ZNF516: variants seen among roughly 807,000 people sequenced by gnomAD.
The protein encoded by ZNF516 is zinc finger protein 516.
ZNF516 carries 19 observed loss-of-function variants against 79.7 expected under a neutral mutation model. The ratio of observed to expected loss-of-function variants is 0.24; its 90% confidence interval spans 0.17 to 0.35. The LOEUF (loss-of-function observed/expected upper bound fraction) is 0.35. Ranked by LOEUF, ZNF516 falls within the 10% of genes least tolerant of loss-of-function variation. ZNF516 has a pLI of 1.00. For synonymous variants in ZNF516, 877 were observed against 739.5 expected, an observed-to-expected ratio of 1.19 and a Z score of -3.02; for missense variants, 1,678 against 1,679.5, an observed-to-expected ratio of 1.00 and a Z score of 0.02.
intron 1 of ZNF516, among the ~76,000 whole-genome samples, chr18:76,474,721 C>A (rs2145747252): frequency 6.6e-6 from 1 of 152,150 alleles, no homozygotes; most frequent in Middle Eastern, 3.4e-3. Flanking sequence ...GTAATTGGCT[C>A]TATGATAACC....
In ZNF516 at chr18:76,451,025, C is replaced by A. The variant is rs1255268258; in HGVS notation, c.-157-7814G>T. Among the ~76,000 whole-genome samples the A allele has an allele frequency of 1.3e-5, 2 of 152,096 alleles. No homozygotes were observed. Among genetic ancestry groups the A allele is most frequent in the African/African-American group, 4.8e-5 (2 of 41,414 alleles). ...CTCAACAATCGAACGCTTAAAGTTGCGGAAACCAAGCAAAGCTGACTGGGA... is the reference window on the plus strand; with the variant it reads ...CTCAACAATCGAACGCTTAAAGTTGAGGAAACCAAGCAAAGCTGACTGGGA... On this transcript the variant is annotated intron_variant, in intron 2 of 6. Transcript: ENST00000443185. The surrounding 1 kb of genome is among the most constrained non-coding windows in gnomAD (Gnocchi z 6.0).
chr18:76,492,231 G>A (rs906645886), intron 1 of ZNF516: 2 of 985,346 alleles, frequency 2.0e-6, no homozygotes, highest in Admixed American at 6.1e-5. Context: ...ACATTTACAC[G>A]GAGATGCTGC....
intron 2 of ZNF516, among the ~76,000 whole-genome samples, chr18:76,450,185 G>GGGC (rs1555714177): frequency 1.1e-4 from 2 of 18,016 alleles, no homozygotes; most frequent in African/African-American, 2.7e-4. Flanking sequence ...TGAAACTAAA[G>GGGC]GGGGGGGGGT....
Position 76,442,414 on chromosome 18 carries a change from G to A in ZNF516, c.641C>T (p.Ser214Leu). 6.2e-7 allele frequency: 1 copy of A among 1,607,468 alleles called. No homozygotes were observed. The highest frequency in any genetic ancestry group is 8.5e-7 in the Non-Finnish European group (1 of 1,179,640). ...GTCCCTCTCGATGTGGCTCAGCAGC[G>A]ACTCCTCCCGCAGCGTCGCGTAGCT... ...LCSYATLREE[S>L]LLSHIERDHI... Residue 214 changes from serine (S) to leucine (L), a missense_variant, in exon 3 of 7, where the codon TCG becomes TTG. Physicochemically the swap from Ser to Leu is moderately radical, Grantham distance 145. Around this residue, in one of 5 missense-constraint regions of ZNF516, gnomAD observed 279 missense variants for 254.1 expected, o/e 1.10. Coordinates refer to ENST00000443185, the MANE Select transcript of ZNF516 (RefSeq NM_014643.4).
chr18:76,440,766 GCA>G (rs57547735), intron 3 of ZNF516, among the ~76,000 whole-genome samples: 40,405 of 150,752 alleles, frequency 0.27, 6,628 homozygotes, highest in East Asian at 0.44. Context: ...GTGTGTGCGC[GCA>G]CGCGCGCATG....
intron 3 of ZNF516, among the ~76,000 whole-genome samples, chr18:76,416,740 A>G (rs2075437220): frequency 6.6e-6 from 1 of 152,228 alleles, no homozygotes; most frequent in African/African-American, 2.4e-5. Flanking sequence ...AAACTTCAGT[A>G]ATGGCGAAAA....
intron 1 of ZNF516, chr18:76,492,798 C>A (rs1302008475): frequency 4.1e-5 from 40 of 985,872 alleles, no homozygotes; most frequent in Non-Finnish European, 4.7e-5. Flanking sequence ...CCCCATGCTT[C>A]ACAGAACGTT....
intron 3 of ZNF516, among the ~76,000 whole-genome samples, chr18:76,436,027 G>A (rs1314986751): frequency 2.0e-5 from 3 of 152,240 alleles, no homozygotes; most frequent in Non-Finnish European, 4.4e-5. Flanking sequence ...CTGCACTTCA[G>A]GAGCACCAGA....
At chr18:76,435,087 C>T (rs973515037) in intron 3 of ZNF516, among the ~76,000 whole-genome samples, 5 of 152,204 alleles carry the variant, frequency 3.3e-5, no homozygotes, top group Non-Finnish European at 7.3e-5. Context: ...GAATGGATAC[C>T]TCTTAGTTCC....
At chr18:76,365,800 C>G (rs1260235236) in intron 6 of ZNF516, among the ~76,000 whole-genome samples, 1 of 152,190 alleles carries the variant, frequency 6.6e-6, no homozygotes, top group African/African-American at 2.4e-5. Context: ...AGGGCCCGGA[C>G]CCTCTCACCA....
chr18:76,469,689 C>T (rs1361905570), intron 1 of ZNF516, among the ~76,000 whole-genome samples: 1 of 152,148 alleles, frequency 6.6e-6, no homozygotes, highest in African/African-American at 2.4e-5. Flanking sequence ...TTTTTATCTT[C>T]TTCCGTTAGA....
chr18:76,363,433 T>C (rs2074568692), intron 6 of ZNF516, among the ~76,000 whole-genome samples: 1 of 152,172 alleles, frequency 6.6e-6, no homozygotes, highest in South Asian at 2.1e-4. Flanking sequence ...ATTAAGGGCT[T>C]TTCTTTAGTT....
intron 3 of ZNF516, among the ~76,000 whole-genome samples, chr18:76,427,713 T>C (rs542415586): frequency 1.6e-4 from 24 of 152,302 alleles, no homozygotes; most frequent in African/African-American, 5.8e-4. Context: ...CAGAACGTAT[T>C]CAAAACATGA....
intron 6 of ZNF516, among the ~76,000 whole-genome samples, chr18:76,370,268 C>T (rs927810834): frequency 6.6e-6 from 1 of 152,206 alleles, no homozygotes; most frequent in African/African-American, 2.4e-5. Context: ...GCCAGTCTAT[C>T]CCGACTTCCT....
chr18:76,443,171 G>T lies in ZNF516; in HGVS notation c.-117C>A. On this transcript the variant is annotated 5_prime_UTR_variant, in exon 3 of 7. Coordinates refer to ENST00000443185, the MANE Select transcript of ZNF516 (RefSeq NM_014643.4). Reference sequence around the variant, plus strand: ...AAAGACGTGCCTGCTCCCAGGAGGTGCACCTTCTACATGGGGGGCGCAGCA... The same window carrying T: ...AAAGACGTGCCTGCTCCCAGGAGGTTCACCTTCTACATGGGGGGCGCAGCA... The T allele has an allele frequency of 7.1e-7, 1 of 1,411,238 alleles. No individual in the cohort carries two copies. The highest frequency in any genetic ancestry group is 9.3e-7 in the Non-Finnish European group (1 of 1,079,880). 87.4% of individuals were successfully genotyped at this position (1,411,238 alleles called of 1,614,324 possible).
At chr18:76,494,091 G>C (rs1212369120) in intron 1 of ZNF516, among the ~76,000 whole-genome samples, 1 of 152,090 alleles carries the variant, frequency 6.6e-6, no homozygotes, top group African/African-American at 2.4e-5. Context: ...GTAAAAGGCT[G>C]GTTCCCTCTG....
At chr18:76,399,126 C>G (rs1411540480) in intron 3 of ZNF516, among the ~76,000 whole-genome samples, 1 of 152,228 alleles carries the variant, frequency 6.6e-6, no homozygotes, top group African/African-American at 2.4e-5. Context: ...GCCCGACTCC[C>G]TCCTGGTGCT....
intron 3 of ZNF516, among the ~76,000 whole-genome samples, chr18:76,404,417 G>C (rs907796538): frequency 2.0e-5 from 3 of 152,104 alleles, no homozygotes; most frequent in African/African-American, 7.2e-5. Flanking sequence ...GTGGGGGTGA[G>C]TGAGCATGTG....
intron 6 of ZNF516, among the ~76,000 whole-genome samples, chr18:76,365,280 C>A (rs1042107800): frequency 6.6e-6 from 1 of 152,138 alleles, no homozygotes; most frequent in African/African-American, 2.4e-5. Flanking sequence ...GGAATCCAAA[C>A]AAATCAAAAC....
Sources: allele counts gnomAD v4.1 joint callset (sites outside exome capture counted in the v4.1 genomes callset), GRCh38; gene constraint gnomAD v4.1.1; regional missense constraint gnomAD v4.1.1; non-coding constraint Gnocchi (gnomAD v3.1); transcripts MANE v1.5; gene names NCBI Gene and HGNC (gene_info 2026-07-23, HGNC 2026-07-21).